WHRN: variants seen among roughly 807,000 people sequenced by gnomAD.
The protein encoded by WHRN is CASK-interacting protein CIP98.
WHRN carries 41 observed loss-of-function variants against 68.3 expected under a neutral mutation model. The observed-to-expected ratio is 0.60, with a 90% CI of 0.47 to 0.78. WHRN has a LOEUF of 0.78. Among genes scored for constraint, WHRN ranks in the 30% least tolerant of loss-of-function variants. WHRN has a pLI of 0.00. For missense variants in WHRN, 1,243 were observed against 1,244.7 expected, an observed-to-expected ratio of 1.00 and a Z score of 0.02; for synonymous variants, 560 against 561.3, an observed-to-expected ratio of 1.00 and a Z score of 0.03.
chr9:114,462,193 G>A (rs761255882), intron 3 of WHRN, among the ~76,000 whole-genome samples: 27 of 152,228 alleles, frequency 1.8e-4, no homozygotes, highest in Non-Finnish European at 3.4e-4. Context: ...TCAGAGCCAA[G>A]TCTGTGTCCT....
intron 3 of WHRN, among the ~76,000 whole-genome samples, chr9:114,461,528 A>G (rs1408521): frequency 0.77 from 116,435 of 152,132 alleles, 44,795 homozygotes; most frequent in East Asian, 0.99. Context: ...TCTCCCGTGC[A>G]ATCAGGCTGT....
At chr9:114,448,676 T>G (rs555833906) in intron 3 of WHRN, among the ~76,000 whole-genome samples, 3 of 152,090 alleles carry the variant, frequency 2.0e-5, no homozygotes, top group African/African-American at 4.8e-5. Context: ...CAGCCCAAAC[T>G]AGCACTGTGG....
At chr9:114,466,218 G>A in intron 3 of WHRN, 49 bp downstream of exon 3, 2 of 1,611,750 alleles carry the variant, frequency 1.2e-6, no homozygotes, top group Non-Finnish European at 8.5e-7. Flanking sequence ...AAAATCAGCA[G>A]CAAAGAGCTC....
In WHRN at chr9:114,504,197, G is replaced by A. The variant is rs771740196; in HGVS notation, c.605C>T (p.Ala202Val). The A allele has an allele frequency of 5.0e-6, 8 of 1,613,962 alleles. No individual in the cohort carries two copies. The African/African-American group carries it at 6.7e-5, about 13-fold the overall frequency. ...NDKSLARVTH[A>V]EAVKALKGSK... is the part of the protein sequence containing the mutation. ...CCACAGCCTTACCTTGACGGCCTCC[G>A]CGTGGGTCACCCGGGCCAGGGATTT... is the stretch of plus-strand genomic sequence containing the variant. Residue 202 changes from alanine (A) to valine (V), a missense_variant, in exon 1 of 12, where the codon GCG becomes GTG. Physicochemically the swap from Ala to Val is moderately conservative, Grantham distance 64. Transcript: ENST00000362057.
chr9:114,471,604 C>G (rs1489360994), intron 2 of WHRN, among the ~76,000 whole-genome samples: 1 of 152,252 alleles, frequency 6.6e-6, no homozygotes, highest in African/African-American at 2.4e-5. Flanking sequence ...CCAGCACTGC[C>G]TGTGGCCAAG....
chr9:114,445,896 C>G (rs1179455979), intron 3 of WHRN, among the ~76,000 whole-genome samples: 1 of 152,126 alleles, frequency 6.6e-6, no homozygotes, highest in East Asian at 1.9e-4. Context: ...AGCTAAATGC[C>G]TGACTTCAAG....
chr9:114,460,995 C>A (rs948215457), intron 3 of WHRN, among the ~76,000 whole-genome samples: 1 of 152,080 alleles, frequency 6.6e-6, no homozygotes, highest in Non-Finnish European at 1.5e-5. Flanking sequence ...ATCCAAGGGG[C>A]CCTGGAAGGG....
chr9:114,493,008 C>A (rs1043969571), intron 1 of WHRN, among the ~76,000 whole-genome samples: 5 of 151,808 alleles, frequency 3.3e-5, no homozygotes, highest in African/African-American at 1.2e-4. Flanking sequence ...CTGAGCAAGG[C>A]CCTATCTCAA....
At chr9:114,437,407 G>A (rs1305681936) in intron 3 of WHRN, among the ~76,000 whole-genome samples, 2 of 152,100 alleles carry the variant, frequency 1.3e-5, no homozygotes, top group African/African-American at 4.8e-5. Flanking sequence ...GATTTAAAAT[G>A]TATAAAACTT....
chr9:114,472,683 C>A (rs1244616965), intron 2 of WHRN, among the ~76,000 whole-genome samples: 1 of 152,186 alleles, frequency 6.6e-6, no homozygotes, highest in Non-Finnish European at 1.5e-5. Context: ...TTTGTCTGTT[C>A]ACTGCTGTAT....
chr9:114,403,752 C>A (rs994068895), intron 10 of WHRN, 144 bp downstream of exon 10: 9 of 1,022,326 alleles, frequency 8.8e-6, no homozygotes, highest in Admixed American at 3.6e-5. Context: ...TCCTCCAGGA[C>A]GTCCAAATCC....
chr9:114,411,579 T>G (rs1464629953), intron 7 of WHRN, among the ~76,000 whole-genome samples: 1 of 152,222 alleles, frequency 6.6e-6, no homozygotes, highest in Non-Finnish European at 1.5e-5. Flanking sequence ...GAAGCTCTTA[T>G]CAGGCAGCCA....
At position 114,424,106 on chromosome 9, in the gene WHRN, G is replaced by A. The variant is rs533999684; in HGVS notation, c.1416+228C>T. Among the ~76,000 whole-genome samples, 14 of 152,290 alleles carry A rather than the reference G, an allele frequency of 9.2e-5. No individual in the cohort carries two copies. The South Asian group carries it at 1.9e-3, about 20-fold the overall frequency. The stretch of plus-strand genomic sequence containing the variant: ...ATCCAGGTGATTCTGTGCACTCAGC[G>A]TTGGAAGCCACTGCGACAGGGACCC... On this transcript the variant is annotated intron_variant, in intron 6 of 11. Coordinates refer to ENST00000362057, the MANE Select transcript of WHRN (RefSeq NM_015404.4).
At chr9:114,466,182 C>T in intron 3 of WHRN, 85 bp downstream of exon 3, 1 of 1,597,096 alleles carries the variant, frequency 6.3e-7, no homozygotes. Context: ...AGGTGGAGTG[C>T]TGATTGCTCT....
chr9:114,430,050 G>A (rs1212570531), intron 3 of WHRN, among the ~76,000 whole-genome samples: 1 of 152,144 alleles, frequency 6.6e-6, no homozygotes, highest in Non-Finnish European at 1.5e-5. Flanking sequence ...CTTTCGTTGC[G>A]CTAAGGGCAT....
At chr9:114,403,530 C>T (rs558826981) in intron 10 of WHRN, among the ~76,000 whole-genome samples, 191 bp from the exon 11 acceptor site, 52 of 152,306 alleles carry the variant, frequency 3.4e-4, no homozygotes, top group Admixed American at 7.2e-4. Flanking sequence ...CCAAAATCCC[C>T]GAGGCTCAGG....
chr9:114,424,973 T>G lies in WHRN; in HGVS notation c.1203+15A>C. ...CTGTGAGGAAGCAGAGAATACCCCT[T>G]AGAGGATGTCCTACCTTGTTTATTC... On this transcript the variant is annotated intron_variant, in intron 5 of 11. Transcript: ENST00000362057. 6.2e-7 allele frequency: 1 copy of G among 1,613,764 alleles called. No individual in the cohort carries two copies. The highest frequency in any genetic ancestry group is 8.5e-7 in the Non-Finnish European group (1 of 1,179,696).
At chr9:114,441,887 TAAAAGGAAA>T (rs954691041) in intron 3 of WHRN, among the ~76,000 whole-genome samples, 38 of 152,218 alleles carry the variant, frequency 2.5e-4, no homozygotes, top group African/African-American at 8.7e-4. Context: ...TACGTTATTA[TAAAAGGAAA>T]AACAGTACAG....
intron 8 of WHRN, 109 bp from the exon 9 acceptor site, chr9:114,407,001 T>C: frequency 7.5e-7 from 1 of 1,327,420 alleles, no homozygotes; most frequent in East Asian, 2.5e-5. Flanking sequence ...CTGTCCCCAC[T>C]CTAACTGCTC....
Sources: gnomAD v4.1 joint callset for allele counts (sites outside exome capture counted in the v4.1 genomes callset) on GRCh38, gnomAD v4.1.1 for gene constraint, MANE v1.5 for transcripts, NCBI Gene and HGNC (gene_info 2026-07-23, HGNC 2026-07-21) for gene names.